Variants in GHRH observed in about 807,000 individuals in gnomAD.
GHRH encodes somatoliberin.
GHRH carries 7 observed loss-of-function variants against 15.6 expected under a neutral mutation model. That is an observed-to-expected ratio of 0.45 (90% CI 0.26 to 0.84). The LOEUF (loss-of-function observed/expected upper bound fraction) is 0.84, where lower values mean the gene tolerates loss of function less well. Ranked by LOEUF, GHRH falls within the 40% of genes least tolerant of loss-of-function variation. The probability of loss-of-function intolerance (pLI) is 0.18; values close to 1 mark genes in which losing one functional copy is unlikely to be tolerated. For synonymous variants in GHRH, 54 were observed against 50.4 expected, an observed-to-expected ratio of 1.07 and a Z score of -0.30; for missense variants, 117 against 138.0, an observed-to-expected ratio of 0.85 and a Z score of 0.76.
chr20:37,252,858 G>A (rs527766708), intron 4 of GHRH, among the ~76,000 whole-genome samples: 9 of 152,290 alleles, frequency 5.9e-5, no homozygotes, highest in Non-Finnish European at 1.3e-4. Flanking sequence ...GGCCAACATG[G>A]TGAAACCCTG....
At chr20:37,254,109 C>A in intron 4 of GHRH, 101 bp downstream of exon 4, 1 of 1,242,662 alleles carries the variant, frequency 8.0e-7, no homozygotes, top group Non-Finnish European at 1.2e-6. Context: ...TTGGCAGAGC[C>A]CCATACCTTC....
At chr20:37,256,371 A>G in intron 3 of GHRH, 23 bp downstream of exon 3, 1 of 1,516,428 alleles carries the variant, frequency 6.6e-7, no homozygotes, top group Non-Finnish European at 9.1e-7. Context: ...GTGTGGGAAG[A>G]AATCACTAGA....
chr20:37,257,269 C>T (rs1490088181), intron 1 of GHRH, among the ~76,000 whole-genome samples: 2 of 152,094 alleles, frequency 1.3e-5, no homozygotes, highest in Admixed American at 1.3e-4. Flanking sequence ...AATCCCAGCA[C>T]TTTGGGAGGC....
At position 37,256,440 on chromosome 20, in the gene GHRH, G is replaced by C. The variant is rs371047125; in HGVS notation, c.142C>G (p.Leu48Val). The change falls in exon 3 of 5, where the codon CTG (leucine) becomes GTG (valine). Residue 48 changes from leucine (L) to valine (V), a missense_variant. By Grantham distance (32) the Leu-to-Val change is conservative. Transcript: ENST00000373614. ...TCCTGGAGCAGCTTGCGGGCGGACA[G>C]CTGGCCCAGCACCTTCCGGTAGCTG... ...TNSYRKVLGQ[L>V]SARKLLQDIM... 19 of 1,613,360 alleles carry C rather than the reference G, an allele frequency of 1.2e-5. No individual in the cohort carries two copies. The highest frequency in any genetic ancestry group is 1.6e-5 in the Non-Finnish European group (19 of 1,179,726).
rs370530835 is a variant in GHRH at position 37,254,332 on chromosome 20, G to T, written c.189-3C>A. On this transcript the variant is annotated splice_polypyrimidine_tract_variant and splice_region_variant and intron_variant, in intron 3 of 4. Coordinates refer to ENST00000373614, the MANE Select transcript of GHRH (RefSeq NM_021081.6). ...CTCCTCGCTCTTGGTTGCTCTCTCTGTGTGGTTAGAAAAAGAGAACTAGTT... is the reference window on the plus strand; with the variant it reads ...CTCCTCGCTCTTGGTTGCTCTCTCTTTGTGGTTAGAAAAAGAGAACTAGTT... 1.9e-6 allele frequency: 3 copies of T among 1,614,082 alleles called. No individual in the cohort carries two copies. Among genetic ancestry groups the T allele is most frequent in the Admixed American group, 3.3e-5 (2 of 60,022 alleles).
chr20:37,251,164 G>A lies in GHRH; in HGVS notation c.*49C>T. The A allele has an allele frequency of 7.0e-7, 1 of 1,424,206 alleles. No homozygotes were observed. Among genetic ancestry groups the A allele is most frequent in the African/African-American group, 1.4e-5 (1 of 70,664 alleles). The allele number at this position is 1,424,206 out of a possible 1,614,324, so 88.2% of individuals were successfully genotyped here. On this transcript the variant is annotated 3_prime_UTR_variant, in exon 5 of 5. Coordinates refer to ENST00000373614, the MANE Select transcript of GHRH (RefSeq NM_021081.6). The stretch of plus-strand genomic sequence containing the variant: ...GGGTCAGAAATGAGAGGATTAACTG[G>A]ATCCAGTTGCATTTTGGCTACAGGT...
At chr20:37,255,314 A>G (rs2068648657) in intron 3 of GHRH, among the ~76,000 whole-genome samples, 2 of 152,240 alleles carry the variant, frequency 1.3e-5, no homozygotes, top group South Asian at 4.1e-4. Flanking sequence ...TAGGCTATAG[A>G]GTCAGGCAGT....
At chr20:37,254,040 T>C (rs2068639546) in intron 4 of GHRH, among the ~76,000 whole-genome samples, 170 bp downstream of exon 4, 1 of 152,196 alleles carries the variant, frequency 6.6e-6, no homozygotes, top group Admixed American at 6.5e-5. Context: ...TGAGCCACCA[T>C]ACCCAGCCAC....
chr20:37,252,773 G>A (rs984780425), intron 4 of GHRH, among the ~76,000 whole-genome samples: 43 of 150,534 alleles, frequency 2.9e-4, no homozygotes, highest in African/African-American at 5.4e-4. Context: ...GCGTGGTGGC[G>A]GGTGCCTGTA....
At chr20:37,255,828 G>A (rs1284124583) in intron 3 of GHRH, among the ~76,000 whole-genome samples, 5 of 152,034 alleles carry the variant, frequency 3.3e-5, no homozygotes, top group Non-Finnish European at 5.9e-5. Context: ...CCAGGAGTTC[G>A]AGACCAGCCT....
At chr20:37,253,020 G>C (rs952637064) in intron 4 of GHRH, among the ~76,000 whole-genome samples, 1 of 152,186 alleles carries the variant, frequency 6.6e-6, no homozygotes, top group Non-Finnish European at 1.5e-5. Flanking sequence ...TGATGAGAGT[G>C]AAACTCCATC....
At chr20:37,256,330 G>A in intron 3 of GHRH, 64 bp downstream of exon 3, 2 of 1,033,262 alleles carry the variant, frequency 1.9e-6, no homozygotes, top group Admixed American at 4.2e-5. Flanking sequence ...GTCCCCTGTA[G>A]GGAACAAGCT....
rs774298733 is a variant in GHRH at position 37,259,215 on chromosome 20, C to T, written c.-19-2307G>A. 3.3e-5 allele frequency among the ~76,000 whole-genome samples: 5 copies of T among 152,182 alleles called. No individual in the cohort carries two copies. In the South Asian group the frequency reaches 1.0e-3, roughly 31 times the overall value. ...GTAACATCCGCCTGCTGGGCTGGAG[C>T]CTCTGCACCTACAGCCACACGACTG... is the stretch of plus-strand genomic sequence containing the variant. On this transcript the variant is annotated intron_variant, in intron 1 of 4. Transcript: ENST00000373614.
chr20:37,256,555 T>C, intron 2 of GHRH, 57 bp from the exon 3 acceptor site: 1 of 1,093,458 alleles, frequency 9.1e-7, no homozygotes, highest in South Asian at 1.3e-5. Context: ...GAGAGGACAG[T>C]CGTGGCTGCA....
chr20:37,253,279 C>T (rs2068632964), intron 4 of GHRH, among the ~76,000 whole-genome samples: 1 of 152,204 alleles, frequency 6.6e-6, no homozygotes, highest in Admixed American at 6.5e-5. Flanking sequence ...ACAGTCATCA[C>T]GTCTCTCGTC....
chr20:37,256,644 C>T (rs1390527754), intron 2 of GHRH, 146 bp from the exon 3 acceptor site: 2 of 732,658 alleles, frequency 2.7e-6, no homozygotes, highest in Non-Finnish European at 4.6e-6. Flanking sequence ...CTCTGAGTGA[C>T]CTCTGTGAAG....
intron 1 of GHRH, among the ~76,000 whole-genome samples, chr20:37,260,010 G>A (rs548312625): frequency 3.8e-4 from 58 of 152,320 alleles, no homozygotes; most frequent in Non-Finnish European, 5.9e-4. Flanking sequence ...AAAGAACAGG[G>A]ACAAACAGGA....
At position 37,258,522 on chromosome 20, in the gene GHRH, C is replaced by T. The variant is rs6017661; in HGVS notation, c.-19-1614G>A. 0.026 allele frequency among the ~76,000 whole-genome samples: 3,901 copies of T among 152,282 alleles called. 155 individuals carry two copies. Among genetic ancestry groups the T allele is most frequent in the African/African-American group, 0.089 (3,698 of 41,530 alleles). On this transcript the variant is annotated intron_variant, in intron 1 of 4. Coordinates refer to ENST00000373614, the MANE Select transcript of GHRH (RefSeq NM_021081.6). The surrounding 1 kb of genome is among the most constrained non-coding windows in gnomAD (Gnocchi z 4.1). ...GGATGCCTTGGGCCCCCAGGCAGCA[C>T]TCAGGGGGTCTGCTTACTGCAGCCT... is the stretch of plus-strand genomic sequence containing the variant.
rs201960344 is a variant in GHRH, at chr20:37,254,288, C to T, written c.230G>A (p.Arg77His). The change falls in exon 4 of 5, where the codon CGT (arginine) becomes CAT (histidine). Residue 77 changes from arginine (R) to histidine (H), a missense_variant. Physicochemically the swap from Arg to His is conservative, Grantham distance 29 (BLOSUM62 0). Transcript: ENST00000373614. Reference protein sequence around the residue: ...QERGARARLGRQVDSMWAEQK... With the variant: ...QERGARARLGHQVDSMWAEQK... ...TTCTGCCCACATGCTGTCTACCTGACGACCAAGCCGTGCCCTTGCTCCTCG... is the reference window on the plus strand; with the variant it reads ...TTCTGCCCACATGCTGTCTACCTGATGACCAAGCCGTGCCCTTGCTCCTCG... The T allele has an allele frequency of 4.5e-5, 73 of 1,613,946 alleles. No individual in the cohort carries two copies. Among genetic ancestry groups the T allele is most frequent in the Middle Eastern group, 3.3e-4 (2 of 6,084 alleles).
Sources: gnomAD v4.1 joint callset for allele counts (sites outside exome capture counted in the v4.1 genomes callset) on GRCh38, gnomAD v4.1.1 for gene constraint, Gnocchi (gnomAD v3.1) non-coding constraint, MANE v1.5 for transcripts, NCBI Gene and HGNC (gene_info 2026-07-23, HGNC 2026-07-21) for gene names.